CEP250: variants seen among roughly 807,000 people sequenced by gnomAD.
The protein encoded by CEP250 is centrosome-associated protein CEP250.
CEP250 carries 242 observed loss-of-function variants against 315.7 expected under a neutral mutation model. That is an observed-to-expected ratio of 0.77 (90% CI 0.69 to 0.85). The LOEUF is 0.85. CEP250 is among the 40% of genes least tolerant of loss of function. The pLI is 0.00. For synonymous variants in CEP250, 1,088 were observed against 1,175.0 expected, an observed-to-expected ratio of 0.93 and a Z score of 1.51; for missense variants, 2,515 against 2,886.4, an observed-to-expected ratio of 0.87 and a Z score of 2.95.
chr20:35,498,681 C>T lies in CEP250; in HGVS notation c.3742C>T (p.Leu1248Phe). 6.2e-7 allele frequency: 1 copy of T among 1,604,030 alleles called. No homozygotes were observed. Among genetic ancestry groups the T allele is most frequent in the South Asian group, 1.1e-5 (1 of 89,236 alleles). Residue 1248 changes from leucine to phenylalanine, a missense_variant, in exon 27 of 35, where the codon CTT (leucine) becomes TTT (phenylalanine). Coordinates refer to ENST00000397527, the MANE Select transcript of CEP250 (RefSeq NM_007186.6). ...GGCAGTAGCATCTGCCCTCCACAAGCTTCATCAAGACCTGTGGAAGACTCA... is the reference window on the plus strand; with the variant it reads ...GGCAGTAGCATCTGCCCTCCACAAGTTTCATCAAGACCTGTGGAAGACTCA... The part of the protein sequence containing the change: ...AEAVASALHK[L>F]HQDLWKTQQT...
chr20:35,480,622 T>C (rs2063321368), intron 20 of CEP250, among the ~76,000 whole-genome samples: 1 of 144,196 alleles, frequency 6.9e-6, no homozygotes, highest in Admixed American at 7.1e-5. Flanking sequence ...TGAGACAGTC[T>C]CACTCTGTCC....
intron 28 of CEP250, 65 bp from the exon 29 acceptor site, chr20:35,501,770 GCCTCTATATC>G (rs927056007): frequency 3.1e-5 from 46 of 1,468,570 alleles, no homozygotes; most frequent in East Asian, 1.2e-4. Flanking sequence ...TCCTCCATCT[GCCTCTATATC>G]CCTCTATATC....
rs1306333272 is a variant in CEP250, at chr20:35,507,681, T to C, written c.6637-57T>C. 4 of 1,338,762 alleles carry C rather than the reference T, an allele frequency of 3.0e-6. No homozygotes were observed. In the East Asian group the frequency reaches 7.5e-5, roughly 25 times the overall value. 82.9% of individuals were successfully genotyped at this position (1,338,762 alleles called of 1,614,324 possible). A position where few individuals can be genotyped will look rare whatever the true frequency, so the allele number is the denominator to read the frequency against. The stretch of plus-strand genomic sequence containing the variant: ...AACCGCTGTTTGTGTGGAGGATGGG[T>C]TGGTCTGGATATGAGGTTGGCAAGG... On this transcript the variant is annotated intron_variant, in intron 30 of 34. Coordinates refer to ENST00000397527, the MANE Select transcript of CEP250 (RefSeq NM_007186.6).
In CEP250 at chr20:35,500,158, A is replaced by C. The variant is rs764038531; in HGVS notation, c.3887A>C (p.Gln1296Pro). The stretch of plus-strand genomic sequence containing the variant: ...CAGGATCTGCAGAGACAGCTCTCCC[A>C]GAATCAGGAAGGTGAGAAGCTCAAG... ...ELQDLQRQLS[Q>P]NQEEKSKWEG... Residue 1296 changes from glutamine (Q) to proline (P), a missense_variant, in exon 28 of 35, where the codon CAG (glutamine) becomes CCG (proline). Transcript: ENST00000397527. The C allele has an allele frequency of 6.2e-7, 1 of 1,613,934 alleles. No individual in the cohort carries two copies. The highest frequency in any genetic ancestry group is 1.7e-5 in the Admixed American group (1 of 60,014).
At position 35,480,029 on chromosome 20, in the gene CEP250, C is replaced by T; in HGVS notation, c.2470C>T (p.Gln824Ter). ...GGACACTGAACGGAGTCAGGCAGAG[C>T]AGGAGCGGGATGCTGCAGCCAGACA... Reference protein sequence around the residue: ...ELDTERSQAEQERDAAARQLA... With the variant: ...ELDTERSQAE The change falls in exon 20 of 35, where the codon CAG becomes TAG. Residue 824 changes from glutamine (Q) to a stop codon, truncating the protein, a stop_gained. Transcript: ENST00000397527. LOFTEE classifies it high-confidence loss of function. 1 of 1,613,602 alleles carries T rather than the reference C, an allele frequency of 6.2e-7. No homozygotes were observed. Among genetic ancestry groups the T allele is most frequent in the Non-Finnish European group, 8.5e-7 (1 of 1,180,032 alleles).
chr20:35,469,843 C>A (rs2062980500), intron 9 of CEP250, 47 bp from the exon 10 acceptor site: 1 of 1,318,244 alleles, frequency 7.6e-7, no homozygotes, highest in Non-Finnish European at 1.1e-6. Context: ...TAGCTCTGTC[C>A]ACATCCATGG....
In CEP250 at chr20:35,517,503, G is replaced by T. The variant is rs577330146; in HGVS notation, c.*5877G>T. 1 of 152,300 alleles carries T rather than the reference G, an allele frequency of 6.6e-6. No individual in the cohort carries two copies. The highest frequency in any genetic ancestry group is 2.1e-4 in the South Asian group (1 of 4,820). The allele number at this position is 152,300 out of a possible 1,614,324, so 9.4% of individuals were successfully genotyped here. ...AGAATCTATAGGAAAATGTAAGAGG[G>T]TTAAAAATAAATTTCCCATGCATCC... On this transcript the variant is annotated 3_prime_UTR_variant, in exon 35 of 35. Coordinates refer to ENST00000397527, the MANE Select transcript of CEP250 (RefSeq NM_007186.6).
intron 20 of CEP250, among the ~76,000 whole-genome samples, chr20:35,483,518 A>G (rs1568793951): frequency 1.3e-5 from 2 of 150,810 alleles, no homozygotes. Flanking sequence ...ATGCCCAGCT[A>G]ATTTTTTAAT....
At chr20:35,455,954 G>T (rs541528517) in intron 1 of CEP250, among the ~76,000 whole-genome samples, 1 of 152,224 alleles carries the variant, frequency 6.6e-6, no homozygotes, top group East Asian at 1.9e-4. Flanking sequence ...GGAGTGCAAT[G>T]GCGCGATCTC....
intron 8 of CEP250, 89 bp downstream of exon 8, chr20:35,467,161 G>T (rs551595644): frequency 8.2e-7 from 1 of 1,213,166 alleles, no homozygotes; most frequent in Non-Finnish European, 1.2e-6. Context: ...GATCAGCTGT[G>T]GGGGTGGGGT....
intron 2 of CEP250, among the ~76,000 whole-genome samples, chr20:35,459,101 G>A (rs1208927226): frequency 6.8e-6 from 1 of 147,256 alleles, no homozygotes; most frequent in Admixed American, 7.1e-5. Flanking sequence ...AAAGTGCTGG[G>A]ATTACAGGTG....
chr20:35,481,576 T>C (rs533175933), intron 20 of CEP250, among the ~76,000 whole-genome samples: 5 of 152,164 alleles, frequency 3.3e-5, no homozygotes, highest in Non-Finnish European at 7.3e-5. Flanking sequence ...TGATACCTTT[T>C]CTGTTCACCA....
rs1343998182 is a variant in CEP250 at position 35,503,693 on chromosome 20, A to G, written c.5324A>G (p.Gln1775Arg). ...KVGETSLLLSQREQEIVVLQQ... is the reference protein window; with the variant it reads ...KVGETSLLLSRREQEIVVLQQ... ...GGTGAGACCAGCCTCCTCCTGTCCCAGCGAGAGCAGGAAATAGTGGTCCTG... is the reference window on the plus strand; with the variant it reads ...GGTGAGACCAGCCTCCTCCTGTCCCGGCGAGAGCAGGAAATAGTGGTCCTG... The change falls in exon 30 of 35, where the codon CAG (glutamine) becomes CGG (arginine). Residue 1775 changes from glutamine to arginine, a missense_variant. Transcript: ENST00000397527. The surrounding 1 kb of genome is among the most constrained non-coding windows in gnomAD (Gnocchi z 4.2). The G allele has an allele frequency of 6.2e-7, 1 of 1,614,098 alleles. No individual in the cohort carries two copies. Among genetic ancestry groups the G allele is most frequent in the African/African-American group, 1.3e-5 (1 of 75,046 alleles).
intron 3 of CEP250, among the ~76,000 whole-genome samples, chr20:35,461,411 C>T (rs1319199413): frequency 2.0e-5 from 3 of 152,198 alleles, no homozygotes; most frequent in Admixed American, 6.5e-5. Flanking sequence ...ACCACCATGC[C>T]TTCCCCTGTC....
At position 35,473,502 on chromosome 20, in the gene CEP250, T is replaced by A. The variant is rs757953673; in HGVS notation, c.1338T>A (p.Thr446=). The A allele has an allele frequency of 1.2e-6, 2 of 1,614,028 alleles. No homozygotes were observed. Among genetic ancestry groups the A allele is most frequent in the Admixed American group, 3.3e-5 (2 of 59,992 alleles). Residue 446 remains threonine, a synonymous_variant, in exon 13 of 35, where the codon ACT becomes ACA. Coordinates refer to ENST00000397527, the MANE Select transcript of CEP250 (RefSeq NM_007186.6). ...AGAAGCTCACTGGGGAGCGGGACACTCTGGCAGGGCAGACTGTGGACCTCC... is the reference window on the plus strand; with the variant it reads ...AGAAGCTCACTGGGGAGCGGGACACACTGGCAGGGCAGACTGTGGACCTCC... ...RLQKLTGERD[T]LAGQTVDLQG... is the part of the protein sequence containing the mutation.
At chr20:35,501,620 G>A (rs891060220) in intron 28 of CEP250, among the ~76,000 whole-genome samples, 5 of 152,182 alleles carry the variant, frequency 3.3e-5, no homozygotes, top group Non-Finnish European at 1.5e-5. Flanking sequence ...AGGCAGTGCT[G>A]GGGCTGGCAG....
At chr20:35,466,787 G>A (rs769457110) in intron 7 of CEP250, among the ~76,000 whole-genome samples, 179 bp from the exon 8 acceptor site, 8 of 152,082 alleles carry the variant, frequency 5.3e-5, no homozygotes, top group Non-Finnish European at 7.4e-5. Context: ...CTGACCTCTC[G>A]AATCCCACTG....
intron 27 of CEP250, 98 bp from the exon 28 acceptor site, chr20:35,499,951 G>A (rs2063955582): frequency 6.7e-7 from 1 of 1,492,240 alleles, no homozygotes; most frequent in Non-Finnish European, 9.2e-7. Context: ...CACAATGGCG[G>A]CCCACCACAG....
At chr20:35,477,104 G>A (rs1412332863) in intron 16 of CEP250, among the ~76,000 whole-genome samples, 1 of 151,932 alleles carries the variant, frequency 6.6e-6, no homozygotes, top group African/African-American at 2.4e-5. Flanking sequence ...TCTGCATCCC[G>A]GGTTCAAGCA....
Sources: allele counts gnomAD v4.1 joint callset (sites outside exome capture counted in the v4.1 genomes callset), GRCh38; gene constraint gnomAD v4.1.1; non-coding constraint Gnocchi (gnomAD v3.1); transcripts MANE v1.5; gene names NCBI Gene and HGNC (gene_info 2026-07-23, HGNC 2026-07-21).